The following PLCB4 variants were observed in gnomAD, a reference collection of about 807,000 sequenced individuals.
PLCB4 encodes phospholipase C beta 4.
PLCB4 carries 77 observed loss-of-function variants against 178.8 expected under a neutral mutation model. The observed-to-expected ratio is 0.43, with a 90% CI of 0.36 to 0.52. The LOEUF (loss-of-function observed/expected upper bound fraction) is 0.52, where lower values mean the gene tolerates loss of function less well. PLCB4 is among the 20% of genes least tolerant of loss of function. PLCB4 has a pLI of 0.00. For missense variants in PLCB4, 1,024 were observed against 1,453.4 expected (o/e 0.70, Z 4.80); for synonymous variants, 496 against 490.8 (o/e 1.01, Z -0.14).
chr20:9,452,309 A>T (rs182274997), intron 32 of PLCB4, among the ~76,000 whole-genome samples: 1 of 152,338 alleles, frequency 6.6e-6, no homozygotes, highest in East Asian at 1.9e-4. Flanking sequence ...AGTCAAGCCT[A>T]CCTTAGAAAG....
rs1319907878 is a variant in PLCB4 at position 9,421,344 on chromosome 20, A to T, written c.2202A>T (p.Val734=). The change falls in exon 27 of 40, where the codon GTA becomes GTT. Residue 734 remains valine (V), a synonymous_variant. Coordinates refer to ENST00000378473, the MANE Select transcript of PLCB4 (RefSeq NM_001377142.1). ...CAGATAAGAAAATTGGCACCTACGTAGAGGTGGATATGTATGGGTTGCCCA... is the reference window on the plus strand; with the variant it reads ...CAGATAAGAAAATTGGCACCTACGTTGAGGTGGATATGTATGGGTTGCCCA... ...FLSDKKIGTY[V]EVDMYGLPTD... 1 of 1,613,508 alleles carries T rather than the reference A, an allele frequency of 6.2e-7. No individual in the cohort carries two copies.
At chr20:9,378,240 A>G (rs1335136152) in intron 12 of PLCB4, among the ~76,000 whole-genome samples, 3 of 152,152 alleles carry the variant, frequency 2.0e-5, no homozygotes, top group Non-Finnish European at 2.9e-5. Flanking sequence ...CAAAATATTT[A>G]CCAACAAACA....
chr20:9,101,829 C>T (rs2091165547), intron 2 of PLCB4, among the ~76,000 whole-genome samples: 1 of 151,130 alleles, frequency 6.6e-6, no homozygotes, highest in African/African-American at 2.4e-5. Flanking sequence ...AAACAATTTG[C>T]CAGTTTTGTA....
At chr20:9,264,951 G>A (rs78948984) in intron 3 of PLCB4, among the ~76,000 whole-genome samples, 8 of 152,264 alleles carry the variant, frequency 5.3e-5, no homozygotes, top group Non-Finnish European at 1.2e-4. Context: ...GTCAAAATGC[G>A]TTTTCCCAGA....
chr20:9,164,203 C>T (rs2092933687), intron 2 of PLCB4, among the ~76,000 whole-genome samples: 1 of 152,190 alleles, frequency 6.6e-6, no homozygotes, highest in African/African-American at 2.4e-5. Flanking sequence ...GTGACTGTTT[C>T]ACTGCCTGTT....
intron 3 of PLCB4, among the ~76,000 whole-genome samples, chr20:9,287,439 CAATACAGA>C (rs1180901734): frequency 2.6e-5 from 4 of 152,100 alleles, no homozygotes; most frequent in African/African-American, 9.6e-5. Context: ...ATGAAGGTAT[CAATACAGA>C]ATGAACTGTT....
chr20:9,247,646 T>C (rs1181840949), intron 3 of PLCB4, among the ~76,000 whole-genome samples: 1 of 152,210 alleles, frequency 6.6e-6, no homozygotes, highest in Non-Finnish European at 1.5e-5. Context: ...TAATTCTCTT[T>C]GATTTTTATT....
At chr20:9,409,883 T>C (rs1330114740) in intron 24 of PLCB4, among the ~76,000 whole-genome samples, 2 of 152,036 alleles carry the variant, frequency 1.3e-5, no homozygotes, top group Admixed American at 1.3e-4. Flanking sequence ...AAAATAGAAA[T>C]AGAATAGATA....
At chr20:9,439,777 G>T (rs1020925191) in intron 30 of PLCB4, among the ~76,000 whole-genome samples, 1 of 152,198 alleles carries the variant, frequency 6.6e-6, no homozygotes, top group East Asian at 1.9e-4. Flanking sequence ...TTAGGGAGTT[G>T]CAAGCCTGAA....
At chr20:9,424,006 A>G in intron 28 of PLCB4, 54 bp downstream of exon 28, 1 of 1,139,028 alleles carries the variant, frequency 8.8e-7, no homozygotes, top group East Asian at 2.4e-5. Flanking sequence ...CTAGATTATA[A>G]GATTATAAAA....
chr20:9,352,452 C>T (rs1459092855), intron 7 of PLCB4, among the ~76,000 whole-genome samples: 2 of 152,138 alleles, frequency 1.3e-5, no homozygotes, highest in Non-Finnish European at 2.9e-5. Context: ...TTAGGCAATG[C>T]AAAAATTGTG....
intron 2 of PLCB4, among the ~76,000 whole-genome samples, chr20:9,111,867 T>G (rs1484328331): frequency 6.6e-6 from 1 of 152,194 alleles, no homozygotes; most frequent in Non-Finnish European, 1.5e-5. Flanking sequence ...AAATGGGATA[T>G]TGCCTTCTCA....
At chr20:9,474,807 TTA>T (rs1489647046) in intron 38 of PLCB4, among the ~76,000 whole-genome samples, 1 of 152,230 alleles carries the variant, frequency 6.6e-6, no homozygotes, top group Non-Finnish European at 1.5e-5. Context: ...TACTTCCTAG[TTA>T]TGTTTCCCAT....
chr20:9,416,540 G>T (rs1194172930), intron 25 of PLCB4, among the ~76,000 whole-genome samples: 1 of 152,146 alleles, frequency 6.6e-6, no homozygotes, highest in Non-Finnish European at 1.5e-5. Context: ...GAGAAAGCTG[G>T]TGGGCTTCCC....
At chr20:9,413,323 A>G (rs945693556) in intron 25 of PLCB4, among the ~76,000 whole-genome samples, 3 of 152,076 alleles carry the variant, frequency 2.0e-5, no homozygotes, top group African/African-American at 7.2e-5. Context: ...TATAAAAAAA[A>G]TCCTGACGGC....
chr20:9,397,289 GC>G (rs2038668159), intron 19 of PLCB4, among the ~76,000 whole-genome samples: 1 of 152,138 alleles, frequency 6.6e-6, no homozygotes, highest in Non-Finnish European at 1.5e-5. Flanking sequence ...CAGCAATTCA[GC>G]CCCATGTTCA....
chr20:9,451,933 T>A (rs903492656), intron 32 of PLCB4, among the ~76,000 whole-genome samples: 3 of 152,218 alleles, frequency 2.0e-5, no homozygotes, highest in Non-Finnish European at 4.4e-5. Context: ...GGAGGAAATG[T>A]GTTTATAGCA....
Position 9,408,718 on chromosome 20 carries a change from G to A in PLCB4, c.1874+1G>A. ...AGACACATGCAATTGAATTTGTCAA[G>A]TATCCTTATGTATCAAGTGGAATGA... On this transcript the variant is annotated splice_donor_variant, in intron 23 of 39. Coordinates refer to ENST00000378473, the MANE Select transcript of PLCB4 (RefSeq NM_001377142.1). LOFTEE classifies it high-confidence loss of function. The A allele has an allele frequency of 6.8e-7, 1 of 1,473,430 alleles. No homozygotes were observed. Among genetic ancestry groups the A allele is most frequent in the Non-Finnish European group, 9.5e-7 (1 of 1,052,506 alleles). 91.3% of individuals were successfully genotyped at this position (1,473,430 alleles called of 1,614,324 possible).
chr20:9,462,997 A>G (rs1396671388), intron 35 of PLCB4, among the ~76,000 whole-genome samples: 2 of 152,230 alleles, frequency 1.3e-5, no homozygotes, highest in African/African-American at 4.8e-5. Flanking sequence ...GATGGAAAAA[A>G]TGTTAAGGGC....
Sources: gnomAD v4.1 joint callset for allele counts (sites outside exome capture counted in the v4.1 genomes callset) on GRCh38, gnomAD v4.1.1 for gene constraint, MANE v1.5 for transcripts, NCBI Gene and HGNC (gene_info 2026-07-23, HGNC 2026-07-21) for gene names.